Variants in VSIG10 observed in about 807,000 individuals in gnomAD.
The protein encoded by VSIG10 is V-set and immunoglobulin domain containing 10.
In VSIG10, 48 loss-of-function variants were observed where a neutral mutation model predicts 58.7. That is an observed-to-expected ratio of 0.82 (90% CI 0.65 to 1.04). The LOEUF is 1.04. Among genes scored for constraint, VSIG10 ranks in the 50% least tolerant of loss-of-function variants. VSIG10 has a pLI of 0.00. For synonymous variants in VSIG10, 260 were observed against 267.1 expected, an observed-to-expected ratio of 0.97 and a Z score of 0.26; for missense variants, 628 against 670.0, an observed-to-expected ratio of 0.94 and a Z score of 0.69.
At chr12:118,093,765 C>T (rs1271528992) in intron 2 of VSIG10, among the ~76,000 whole-genome samples, 3 of 151,522 alleles carry the variant, frequency 2.0e-5, no homozygotes, top group Non-Finnish European at 2.9e-5. Context: ...AAAAATTAGC[C>T]GGGAGAGTTG....
At chr12:118,067,549 C>T (rs1333259584) in intron 8 of VSIG10, among the ~76,000 whole-genome samples, 1 of 151,182 alleles carries the variant, frequency 6.6e-6, no homozygotes, top group Admixed American at 6.6e-5. Flanking sequence ...CTGCAGCCTC[C>T]GTCTCCCGGG....
chr12:118,100,818 C>T (rs948308094), intron 1 of VSIG10, among the ~76,000 whole-genome samples: 30 of 152,152 alleles, frequency 2.0e-4, no homozygotes, highest in African/African-American at 6.8e-4. Context: ...CGGGAGCCAC[C>T]GCACCCAGCC....
chr12:118,066,556 G>A lies in VSIG10; in HGVS notation c.*83C>T. The A allele has an allele frequency of 1.3e-6, 2 of 1,503,978 alleles. No individual in the cohort carries two copies. Among genetic ancestry groups the A allele is most frequent in the Non-Finnish European group, 1.9e-6 (2 of 1,080,434 alleles). 93.2% of individuals were successfully genotyped at this position (1,503,978 alleles called of 1,614,324 possible). A position where few individuals can be genotyped will look rare whatever the true frequency, so the allele number is the denominator to read the frequency against. On this transcript the variant is annotated 3_prime_UTR_variant, in exon 9 of 9. Transcript: ENST00000359236. ...GCAAGCCCCCGCCAGGGGTGCAGGT[G>A]GAGTCAAAGCTGAATGAAGAGCTCG...
At chr12:118,074,785 T>C (rs1253719141) in intron 4 of VSIG10, among the ~76,000 whole-genome samples, 1 of 152,136 alleles carries the variant, frequency 6.6e-6, no homozygotes, top group African/African-American at 2.4e-5. Flanking sequence ...GGCCAATTCA[T>C]AAATTTTTTA....
intron 8 of VSIG10, among the ~76,000 whole-genome samples, chr12:118,067,070 A>C (rs2032274622): frequency 1.3e-5 from 2 of 151,912 alleles, no homozygotes; most frequent in Admixed American, 1.3e-4. Flanking sequence ...GGTCCTATAA[A>C]TTTTGGTGCA....
chr12:118,068,189 T>C (rs1056837500), intron 8 of VSIG10, among the ~76,000 whole-genome samples, 188 bp downstream of exon 8: 1 of 130,662 alleles, frequency 7.7e-6, no homozygotes, highest in Non-Finnish European at 1.6e-5. Context: ...GACCGGCTAA[T>C]TTTTCTTTTT....
At chr12:118,071,335 CT>C in intron 6 of VSIG10, 23 bp downstream of exon 6, 1 of 1,603,432 alleles carries the variant, frequency 6.2e-7, no homozygotes, top group Non-Finnish European at 8.5e-7. Flanking sequence ...GGAAGAGAAG[CT>C]AAAGGACCCA....
chr12:118,098,840 G>A (rs77271913), intron 1 of VSIG10, among the ~76,000 whole-genome samples: 7,450 of 152,036 alleles, frequency 0.049, 202 homozygotes, highest in Middle Eastern at 0.086. Context: ...CAGAAACTGC[G>A]GGAGAGCAGC....
At position 118,073,484 on chromosome 12, in the gene VSIG10, G is replaced by C. The variant is rs574188364; in HGVS notation, c.1219+215C>G. Among the ~76,000 whole-genome samples, 6 of 149,348 alleles carry C rather than the reference G, an allele frequency of 4.0e-5. No homozygotes were observed. The South Asian group carries it at 8.3e-4, about 21-fold the overall frequency. On this transcript the variant is annotated intron_variant, in intron 5 of 8. Coordinates refer to ENST00000359236, the MANE Select transcript of VSIG10 (RefSeq NM_019086.6). ...AGATATCTATTCGTTGGTGTGTATA[G>C]ATATTATGTAATTTTTGCTACCTAT...
At chr12:118,079,030 C>A (rs1051762776) in intron 4 of VSIG10, among the ~76,000 whole-genome samples, 1 of 147,026 alleles carries the variant, frequency 6.8e-6, no homozygotes, top group Non-Finnish European at 1.5e-5. Flanking sequence ...TGGACAGACA[C>A]AAAAGACGAT....
intron 1 of VSIG10, among the ~76,000 whole-genome samples, chr12:118,096,358 C>T (rs1257470836): frequency 1.3e-5 from 2 of 151,872 alleles, no homozygotes; most frequent in Non-Finnish European, 2.9e-5. Flanking sequence ...GCGGGCGGAT[C>T]ACCTGAGGTC....
At chr12:118,072,395 G>A (rs1272075931) in intron 5 of VSIG10, among the ~76,000 whole-genome samples, 1 of 151,550 alleles carries the variant, frequency 6.6e-6, no homozygotes, top group Non-Finnish European at 1.5e-5. Context: ...AACCCAGGAG[G>A]TGGAGCTTGC....
At chr12:118,070,692 A>G (rs1168008224) in intron 7 of VSIG10, among the ~76,000 whole-genome samples, 1 of 152,210 alleles carries the variant, frequency 6.6e-6, no homozygotes, top group African/African-American at 2.4e-5. Flanking sequence ...TTCTGTCTCA[A>G]TGACAGACCT....
Position 118,085,019 on chromosome 12 carries a change from GAACA to G in VSIG10, c.362-2594_362-2591del, listed in dbSNP as rs748401825. 1.2e-4 allele frequency among the ~76,000 whole-genome samples: 19 copies of G among 152,008 alleles called. 1 individual carries two copies. The highest frequency in any genetic ancestry group is 1.4e-4 in the African/African-American group (6 of 41,490). ...GGGCAACAGAGTGAGACTCCGTCTCGAACAAACAAACAAACAAAAACAGATAAGC... is the reference window on the plus strand; with the variant it reads ...GGGCAACAGAGTGAGACTCCGTCTCGAACAAACAAACAAAAACAGATAAGC... On this transcript the variant is annotated intron_variant, in intron 2 of 8. Coordinates refer to ENST00000359236, the MANE Select transcript of VSIG10 (RefSeq NM_019086.6).
At chr12:118,076,368 C>CT (rs57070820) in intron 4 of VSIG10, among the ~76,000 whole-genome samples, 15,355 of 139,522 alleles carry the variant, frequency 0.11, 900 homozygotes, top group South Asian at 0.15. Context: ...TGCACGGTCC[C>CT]TTTTTTTTTT....
chr12:118,099,098 G>A (rs762769689), intron 1 of VSIG10, among the ~76,000 whole-genome samples: 2 of 151,686 alleles, frequency 1.3e-5, no homozygotes, highest in Non-Finnish European at 2.9e-5. Context: ...AAGACTGACA[G>A]GTGTCCGGGT....
chr12:118,069,122 C>T (rs988620398), intron 7 of VSIG10, among the ~76,000 whole-genome samples: 1 of 144,908 alleles, frequency 6.9e-6, no homozygotes, highest in Admixed American at 6.9e-5. Context: ...TAGAGTCTTG[C>T]GCTGTTGCCC....
chr12:118,082,567 T>C, intron 2 of VSIG10, 138 bp from the exon 3 acceptor site: 1 of 859,036 alleles, frequency 1.2e-6, no homozygotes, highest in East Asian at 2.6e-5. Context: ...TGACAAATGC[T>C]ATGCCAAGTG....
chr12:118,075,172 G>A (rs375827598), intron 4 of VSIG10, among the ~76,000 whole-genome samples: 1 of 121,948 alleles, frequency 8.2e-6, no homozygotes, highest in African/African-American at 3.2e-5. Flanking sequence ...GTATATATAT[G>A]TATATATGTG....
Sources: gnomAD v4.1 joint callset for allele counts (sites outside exome capture counted in the v4.1 genomes callset) on GRCh38, gnomAD v4.1.1 for gene constraint, MANE v1.5 for transcripts, NCBI Gene and HGNC (gene_info 2026-07-23, HGNC 2026-07-21) for gene names.